The following TFPI variants were observed in gnomAD, a reference collection of about 807,000 sequenced individuals.
TFPI encodes anti-convertin.
TFPI carries 15 observed loss-of-function variants against 34.6 expected under a neutral mutation model. The observed-to-expected ratio is 0.43, with a 90% CI of 0.29 to 0.67. TFPI has a LOEUF of 0.67. TFPI is among the 30% of genes least tolerant of loss of function. TFPI has a pLI of 0.15. For synonymous variants in TFPI, 105 were observed against 120.1 expected (o/e 0.87, Z 0.82); for missense variants, 301 against 364.0 (o/e 0.83, Z 1.41).
At chr2:187,508,229 G>T (rs570059589) in intron 1 of TFPI, among the ~76,000 whole-genome samples, 19 of 152,164 alleles carry the variant, frequency 1.2e-4, no homozygotes, top group Non-Finnish European at 1.5e-5. Flanking sequence ...TAGTATAGTT[G>T]GAAGTCAGGT....
intron 3 of TFPI, among the ~76,000 whole-genome samples, chr2:187,492,772 A>AC (rs199972859): frequency 0.047 from 7,186 of 152,110 alleles, 209 homozygotes; most frequent in Middle Eastern, 0.11. Flanking sequence ...CAATGCCTGT[A>AC]CCCCCATTGT....
intron 3 of TFPI, among the ~76,000 whole-genome samples, chr2:187,489,885 ATAGT>A (rs1684996775): frequency 6.6e-6 from 1 of 151,560 alleles, no homozygotes; most frequent in Non-Finnish European, 1.5e-5. Context: ...AAAGCGATTA[ATAGT>A]TAGAAAAGAT....
chr2:187,486,898 A>G (rs1174014029), intron 4 of TFPI, among the ~76,000 whole-genome samples: 1 of 151,610 alleles, frequency 6.6e-6, no homozygotes, highest in Non-Finnish European at 1.5e-5. Flanking sequence ...AAATCTCTTT[A>G]TAATGGTCCA....
At chr2:187,484,462 C>G (rs1255364979) in intron 5 of TFPI, 1 of 511,946 alleles carries the variant, frequency 2.0e-6, no homozygotes, top group African/African-American at 2.0e-5. Context: ...ATGTTATAGG[C>G]AGATAAAACT....
chr2:187,497,685 A>G (rs1685578228), intron 2 of TFPI, among the ~76,000 whole-genome samples: 1 of 152,020 alleles, frequency 6.6e-6, no homozygotes, highest in African/African-American at 2.4e-5. Flanking sequence ...GAATGAGGCA[A>G]TTCTTTTGAC....
intron 1 of TFPI, among the ~76,000 whole-genome samples, chr2:187,536,252 A>T (rs1213985832): frequency 6.6e-6 from 1 of 152,244 alleles, no homozygotes; most frequent in African/African-American, 2.4e-5. Context: ...CATCATCCTG[A>T]TACCAAAACC....
chr2:187,496,730 G>C lies in TFPI; in HGVS notation c.319+151C>G, dbSNP rs8176451. 6.0e-3 allele frequency: 4,203 copies of C among 697,416 alleles called. 132 individuals carry two copies. The African/African-American group carries it at 0.067, about 11-fold the overall frequency. The allele number at this position is 697,416 out of a possible 1,614,324, so 43.2% of individuals were successfully genotyped here. A position where few individuals can be genotyped will look rare whatever the true frequency, so the allele number is the denominator to read the frequency against. Reference sequence around the variant, plus strand: ...TATCATTTTCCTTAAATGTTTTTAGGATTCCCTGAAAGTCTAAAAATGTGG... The same window carrying C: ...TATCATTTTCCTTAAATGTTTTTAGCATTCCCTGAAAGTCTAAAAATGTGG... On this transcript the variant is annotated intron_variant, in intron 3 of 7. Transcript: ENST00000233156.
chr2:187,506,817 C>T (rs1419678227), intron 1 of TFPI, among the ~76,000 whole-genome samples: 2 of 152,190 alleles, frequency 1.3e-5, no homozygotes, highest in East Asian at 1.9e-4. Flanking sequence ...TTTATGACTG[C>T]TGATATTGAT....
intron 2 of TFPI, among the ~76,000 whole-genome samples, chr2:187,500,262 A>G (rs1434344950): frequency 6.6e-6 from 1 of 152,002 alleles, no homozygotes; most frequent in East Asian, 1.9e-4. Flanking sequence ...GTACCCTTTA[A>G]TGATCATAAC....
chr2:187,521,574 A>G (rs191212504), intron 1 of TFPI, among the ~76,000 whole-genome samples: 83 of 151,898 alleles, frequency 5.5e-4, no homozygotes, highest in Admixed American at 2.1e-3. Flanking sequence ...CAGCATTTCA[A>G]TTTCTTTTTT....
In TFPI at chr2:187,466,226, C is replaced by T. The variant is rs1691714122; in HGVS notation, c.*710G>A. Reference sequence around the variant, plus strand: ...TTGTTTCCATAAAGGTTCTCCTTATCATGAGTTGTATTTAACACACAATTA... The same window carrying T: ...TTGTTTCCATAAAGGTTCTCCTTATTATGAGTTGTATTTAACACACAATTA... On this transcript the variant is annotated 3_prime_UTR_variant, in exon 8 of 8. Transcript: ENST00000233156. 6.6e-6 allele frequency: 1 copy of T among 151,974 alleles called. No individual in the cohort carries two copies. Among genetic ancestry groups the T allele is most frequent in the African/African-American group, 2.4e-5 (1 of 41,380 alleles). The allele number at this position is 151,974 out of a possible 1,614,324, so 9.4% of individuals were successfully genotyped here.
chr2:187,498,840 A>G (rs908360294), intron 2 of TFPI, among the ~76,000 whole-genome samples: 2 of 151,992 alleles, frequency 1.3e-5, no homozygotes, highest in African/African-American at 4.8e-5. Flanking sequence ...CACCAAACAC[A>G]ATTGTCATAA....
intron 1 of TFPI, among the ~76,000 whole-genome samples, chr2:187,507,575 C>CT: frequency 6.6e-6 from 1 of 152,050 alleles, no homozygotes; most frequent in African/African-American, 2.4e-5. Context: ...TGATGATGGG[C>CT]TTTTTTTCAT....
chr2:187,497,227 G>A, intron 2 of TFPI, 149 bp from the exon 3 acceptor site: 1 of 770,906 alleles, frequency 1.3e-6, no homozygotes. Context: ...TTATCAAAAT[G>A]GTAGATAAAG....
intron 3 of TFPI, among the ~76,000 whole-genome samples, chr2:187,496,539 G>A (rs1317153701): frequency 6.6e-6 from 1 of 151,660 alleles, no homozygotes; most frequent in Non-Finnish European, 1.5e-5. Flanking sequence ...CAATAAATGG[G>A]GCCTCATATT....
At chr2:187,514,141 A>G (rs1374323631) in intron 1 of TFPI, 2 of 152,250 alleles carry the variant, frequency 1.3e-5, no homozygotes, top group African/African-American at 4.8e-5. Context: ...TCCTAAAACC[A>G]TATGTTCATT....
Position 187,510,748 on chromosome 2 carries a change from C to T in TFPI, c.-2-6978G>A, listed in dbSNP as rs534339869. On this transcript the variant is annotated intron_variant, in intron 1 of 7. Coordinates refer to ENST00000233156, the MANE Select transcript of TFPI (RefSeq NM_006287.6). ...ATTACTGGTGCATGCAGCCCCCAGT[C>T]ACGTACCCCCTGCTTGCTCAATCAA... Among the ~76,000 whole-genome samples, 216 of 152,262 alleles carry T rather than the reference C, an allele frequency of 1.4e-3. 2 individuals are homozygous for T. The highest frequency in any genetic ancestry group is 5.1e-3 in the African/African-American group (212 of 41,562).
At chr2:187,537,112 C>T (rs375801791) in intron 1 of TFPI, among the ~76,000 whole-genome samples, 41 of 152,300 alleles carry the variant, frequency 2.7e-4, no homozygotes, top group African/African-American at 7.5e-4. Context: ...AAAAACAGTT[C>T]ATGCTCATGG....
At chr2:187,487,669 TAACATTTTTTCTTG>T (rs201073493) in intron 4 of TFPI, among the ~76,000 whole-genome samples, 53,183 of 151,162 alleles carry the variant, frequency 0.35, 10,075 homozygotes, top group African/African-American at 0.49. Context: ...GATCCATTGA[TAACATTTTTTCTTG>T]TGCTGATATA....
Sources: allele counts gnomAD v4.1 joint callset (sites outside exome capture counted in the v4.1 genomes callset), GRCh38; gene constraint gnomAD v4.1.1; transcripts MANE v1.5; gene names NCBI Gene and HGNC (gene_info 2026-07-23, HGNC 2026-07-21).